Variants in KIF16B observed in about 807,000 individuals in gnomAD.
KIF16B encodes the protein kinesin-like protein KIF16B.
A neutral mutation model predicts 156.3 loss-of-function variants in KIF16B; 98 were observed. That is an observed-to-expected ratio of 0.63 (90% CI 0.53 to 0.74). The LOEUF (loss-of-function observed/expected upper bound fraction) is 0.74, where lower values mean the gene tolerates loss of function less well. Among genes scored for constraint, KIF16B ranks in the 30% least tolerant of loss-of-function variants. The pLI is 0.00. For synonymous variants in KIF16B, 564 were observed against 583.7 expected (o/e 0.97, Z 0.49); for missense variants, 1,421 against 1,606.5 (o/e 0.88, Z 1.97).
intron 1 of KIF16B, among the ~76,000 whole-genome samples, chr20:16,564,638 A>G (rs1176290524): frequency 2.0e-5 from 3 of 151,206 alleles, no homozygotes; most frequent in African/African-American, 7.3e-5. Context: ...CGTTGTGCAC[A>G]TGTACCCTAA....
At chr20:16,284,211 C>A (rs1458271208) in intron 25 of KIF16B, among the ~76,000 whole-genome samples, 2 of 152,180 alleles carry the variant, frequency 1.3e-5, no homozygotes, top group Admixed American at 6.5e-5. Flanking sequence ...CTGCCTGGCA[C>A]ACTGTTTTGC....
rs574386477 is a variant in KIF16B at position 16,487,184 on chromosome 20, G to A, written c.1302+7107C>T. Among the ~76,000 whole-genome samples the A allele has an allele frequency of 7.2e-5, 11 of 152,094 alleles. No individual in the cohort carries two copies. The South Asian group carries it at 1.7e-3, about 23-fold the overall frequency. On this transcript the variant is annotated intron_variant, in intron 12 of 25. Coordinates refer to ENST00000354981, the MANE Select transcript of KIF16B (RefSeq NM_024704.5). ...AGGAGAATGGCATGAATCCGGAGGC[G>A]GAGCTTGCAGTGAGCCAAGATCGCG...
At chr20:16,355,581 T>C (rs2064423062) in intron 23 of KIF16B, among the ~76,000 whole-genome samples, 1 of 152,350 alleles carries the variant, frequency 6.6e-6, no homozygotes, top group East Asian at 1.9e-4. Flanking sequence ...ATACCCTTGC[T>C]GATCCTTGAA....
intron 12 of KIF16B, among the ~76,000 whole-genome samples, chr20:16,437,858 C>T (rs569818033): frequency 6.6e-6 from 1 of 151,690 alleles, no homozygotes; most frequent in African/African-American, 2.4e-5. Flanking sequence ...ATCAGCTGGG[C>T]GTGGTGGCTC....
At chr20:16,384,510 G>A (rs1274551892) in intron 17 of KIF16B, among the ~76,000 whole-genome samples, 1 of 152,162 alleles carries the variant, frequency 6.6e-6, no homozygotes, top group Non-Finnish European at 1.5e-5. Flanking sequence ...AACAGAAGCT[G>A]GACAGTGAAG....
chr20:16,361,260 GAGATTTGGGGAAAGAGACGACGA>G (rs1198990890), intron 22 of KIF16B, among the ~76,000 whole-genome samples: 2 of 152,166 alleles, frequency 1.3e-5, no homozygotes, highest in Non-Finnish European at 2.9e-5. Context: ...TTTGAAAATG[GAGATTTGGGGAAAGAGACGACGA>G]AGATTTGGGG....
intron 1 of KIF16B, among the ~76,000 whole-genome samples, chr20:16,531,858 C>T (rs1458734766): frequency 6.6e-6 from 1 of 152,040 alleles, no homozygotes; most frequent in Admixed American, 6.6e-5. Context: ...CATCTGAAGT[C>T]AGGGTTCGAG....
intron 15 of KIF16B, among the ~76,000 whole-genome samples, chr20:16,421,074 A>G (rs549193052): frequency 6.6e-6 from 1 of 152,290 alleles, no homozygotes; most frequent in Non-Finnish European, 1.5e-5. Context: ...CTGATCCAAT[A>G]TGGTAAGCAT....
chr20:16,327,326 C>T (rs2063872762), intron 24 of KIF16B, among the ~76,000 whole-genome samples: 1 of 151,964 alleles, frequency 6.6e-6, no homozygotes, highest in African/African-American at 2.4e-5. Flanking sequence ...TAATAGACTA[C>T]ACATTGGGTA....
chr20:16,429,640 C>A (rs1444770823), intron 13 of KIF16B, among the ~76,000 whole-genome samples: 2 of 152,110 alleles, frequency 1.3e-5, no homozygotes, highest in African/African-American at 4.8e-5. Flanking sequence ...GAATAGAGGG[C>A]AAATCAATGG....
chr20:16,397,164 T>G (rs963196174), intron 17 of KIF16B, among the ~76,000 whole-genome samples: 1 of 152,240 alleles, frequency 6.6e-6, no homozygotes, highest in Admixed American at 6.5e-5. Flanking sequence ...GCAGTCGGCT[T>G]GGTTTCTTCT....
chr20:16,470,601 A>C (rs1462252925), intron 12 of KIF16B, among the ~76,000 whole-genome samples: 1 of 151,746 alleles, frequency 6.6e-6, no homozygotes, highest in Non-Finnish European at 1.5e-5. Context: ...CTCCTACCTC[A>C]GCCTCCTGAG....
chr20:16,544,037 C>T (rs2070305587), intron 1 of KIF16B, among the ~76,000 whole-genome samples: 1 of 152,184 alleles, frequency 6.6e-6, no homozygotes, highest in South Asian at 2.1e-4. Flanking sequence ...CACAATGAGC[C>T]AGCCAGTATA....
intron 3 of KIF16B, among the ~76,000 whole-genome samples, chr20:16,517,261 A>G (rs117817086): frequency 1.8e-3 from 270 of 152,338 alleles, no homozygotes; most frequent in Middle Eastern, 0.01. Context: ...TGTTATTTCC[A>G]TTGGGTCATT....
chr20:16,532,935 G>C (rs1191264421), intron 1 of KIF16B, among the ~76,000 whole-genome samples: 1 of 152,082 alleles, frequency 6.6e-6, no homozygotes, highest in Non-Finnish European at 1.5e-5. Flanking sequence ...TAAATTTAAA[G>C]GGCCCTCCAC....
intron 17 of KIF16B, among the ~76,000 whole-genome samples, chr20:16,397,683 T>C (rs138540429): frequency 3.3e-5 from 5 of 152,278 alleles, no homozygotes; most frequent in Admixed American, 6.5e-5. Flanking sequence ...TTTCAGTCAA[T>C]TGCAAAAACA....
At chr20:16,405,937 G>C (rs2065772179) in intron 16 of KIF16B, among the ~76,000 whole-genome samples, 1 of 152,042 alleles carries the variant, frequency 6.6e-6, no homozygotes, top group African/African-American at 2.4e-5. Flanking sequence ...CCAAACCAAA[G>C]TCTTTCCCAG....
intron 1 of KIF16B, among the ~76,000 whole-genome samples, chr20:16,562,131 T>C (rs191641980): frequency 1.6e-4 from 25 of 152,342 alleles, no homozygotes; most frequent in Admixed American, 1.0e-3. Context: ...AACTTTACTA[T>C]AAATCTACAA....
intron 24 of KIF16B, among the ~76,000 whole-genome samples, chr20:16,319,354 A>AT (rs1364212931): frequency 1.3e-5 from 2 of 152,168 alleles, no homozygotes; most frequent in Admixed American, 1.3e-4. Flanking sequence ...CTATCTTCAG[A>AT]TTTTTTTCTA....
Sources: allele counts gnomAD v4.1 joint callset (sites outside exome capture counted in the v4.1 genomes callset), GRCh38; gene constraint gnomAD v4.1.1; transcripts MANE v1.5; gene names NCBI Gene and HGNC (gene_info 2026-07-23, HGNC 2026-07-21).